The following IFT56 variants were observed in gnomAD, a reference collection of about 807,000 sequenced individuals.
IFT56 encodes intraflagellar transport 56, also known as intraflagellar transport protein 56.
At chr7:139,186,774 T>G in the IFT56 span, among the ~76,000 whole-genome samples, 3 of 152,130 alleles carry the variant, frequency 2.0e-5, no homozygotes, top group South Asian at 4.1e-4. Flanking sequence ...TCCTCAAGAT[T>G]AGAAGACAAT....
the IFT56 span, among the ~76,000 whole-genome samples, chr7:139,182,105 C>T: frequency 6.9e-6 from 1 of 145,762 alleles, no homozygotes; most frequent in Non-Finnish European, 1.5e-5. Context: ...TGTGGAGGGG[C>T]GGGGGGAGTT....
At chr7:139,189,604 C>CT in the IFT56 span, 1 of 556,678 alleles carries the variant, frequency 1.8e-6, no homozygotes, top group South Asian at 2.4e-5. Context: ...CCTGGCTGAA[C>CT]AGAGTGCCAT....
At chr7:139,135,438 A>AT in the IFT56 span, among the ~76,000 whole-genome samples, 10 of 152,272 alleles carry the variant, frequency 6.6e-5, no homozygotes, top group East Asian at 1.9e-4. Flanking sequence ...CCAATGTATG[A>AT]TTTTTTCCTA....
the IFT56 span, among the ~76,000 whole-genome samples, chr7:139,155,189 C>T: frequency 5.3e-5 from 8 of 152,098 alleles, no homozygotes; most frequent in African/African-American, 1.9e-4. Flanking sequence ...CCTTGCTGAA[C>T]TCATTTATTG....
chr7:139,172,560 C>A, the IFT56 span: 1 of 545,030 alleles, frequency 1.8e-6, no homozygotes, highest in South Asian at 1.5e-5. Context: ...ACCTCACAGG[C>A]AGCGACACAA....
At chr7:139,161,733 C>A in the IFT56 span, among the ~76,000 whole-genome samples, 1 of 152,202 alleles carries the variant, frequency 6.6e-6, no homozygotes, top group African/African-American at 2.4e-5. Flanking sequence ...TATCTCCAAT[C>A]TCTATTCAGT....
At chr7:139,140,271 G>A in the IFT56 span, among the ~76,000 whole-genome samples, 7 of 152,122 alleles carry the variant, frequency 4.6e-5, no homozygotes, top group South Asian at 4.1e-4. Flanking sequence ...GCCCTATCAC[G>A]GGAGGATGGG....
the IFT56 span, among the ~76,000 whole-genome samples, chr7:139,177,624 G>GTGTGTGTT: frequency 6.6e-6 from 1 of 151,524 alleles, no homozygotes; most frequent in African/African-American, 2.4e-5. Flanking sequence ...GTGTGTGTGT[G>GTGTGTGTT]TGTGTGTATA....
chr7:139,163,428 C>T, the IFT56 span, among the ~76,000 whole-genome samples: 1 of 151,780 alleles, frequency 6.6e-6, no homozygotes, highest in Non-Finnish European at 1.5e-5. Context: ...GCAGACACAT[C>T]ATGGAGCAAG....
the IFT56 span, among the ~76,000 whole-genome samples, chr7:139,186,236 T>C: frequency 2.0e-5 from 3 of 152,094 alleles, no homozygotes; most frequent in Non-Finnish European, 4.4e-5. Context: ...GAGACCCACC[T>C]GGGCAACATA....
At chr7:139,178,668 A>T in the IFT56 span, 10 of 1,382,858 alleles carry the variant, frequency 7.2e-6, no homozygotes, top group Non-Finnish European at 1.0e-5. Context: ...TCTCACTGGA[A>T]TAAAATGGTC....
chr7:139,167,973 T>C, the IFT56 span, among the ~76,000 whole-genome samples: 1 of 151,420 alleles, frequency 6.6e-6, no homozygotes, highest in African/African-American at 2.4e-5. Flanking sequence ...AGAAAAATAA[T>C]ATATATGATA....
chr7:139,185,869 AAAAT>A, the IFT56 span, among the ~76,000 whole-genome samples: 1 of 152,048 alleles, frequency 6.6e-6, no homozygotes, highest in Non-Finnish European at 1.5e-5. Flanking sequence ...AAAATAAAAA[AAAAT>A]CTTCGCGTGA....
the IFT56 span, among the ~76,000 whole-genome samples, chr7:139,183,118 G>A: frequency 2.6e-5 from 4 of 152,136 alleles, no homozygotes; most frequent in African/African-American, 9.7e-5. Context: ...AAGAAAATGA[G>A]CCATTGAACA....
chr7:139,183,640 T>C, the IFT56 span, among the ~76,000 whole-genome samples: 23 of 152,060 alleles, frequency 1.5e-4, no homozygotes, highest in African/African-American at 5.3e-4. Context: ...AGAAATTCAC[T>C]TTAAATATAT....
the IFT56 span, among the ~76,000 whole-genome samples, chr7:139,175,052 C>T: frequency 2.6e-5 from 4 of 151,760 alleles, no homozygotes; most frequent in African/African-American, 9.7e-5. Flanking sequence ...AAAAAAAAGA[C>T]ATACAAATGA....
At chr7:139,177,320 T>C in the IFT56 span, among the ~76,000 whole-genome samples, 1 of 151,676 alleles carries the variant, frequency 6.6e-6, no homozygotes, top group Non-Finnish European at 1.5e-5. Context: ...GATATCAGAT[T>C]CCTATTTGAG....
the IFT56 span, among the ~76,000 whole-genome samples, chr7:139,185,629 T>C: frequency 6.6e-6 from 1 of 151,986 alleles, no homozygotes; most frequent in African/African-American, 2.4e-5. Context: ...AACATAAAAG[T>C]CAGAAGAGTA....
the IFT56 span, chr7:139,147,421 TGAG>T: frequency 1.3e-6 from 1 of 794,938 alleles, no homozygotes; most frequent in Non-Finnish European, 1.9e-6. Flanking sequence ...GATAATTTGG[TGAG>T]ATTAAGAATT....
Sources: allele counts gnomAD v4.1 joint callset (sites outside exome capture counted in the v4.1 genomes callset), GRCh38; gene constraint gnomAD v4.1.1; transcripts MANE v1.5; gene names NCBI Gene and HGNC (gene_info 2026-07-23, HGNC 2026-07-21).